CNTN5: variants seen among roughly 807,000 people sequenced by gnomAD.
CNTN5 encodes contactin-5.
Under a neutral mutation model 129.1 loss-of-function variants are expected in CNTN5, and 77 were observed. The observed-to-expected ratio is 0.60, with a 90% confidence interval of 0.50 to 0.72. The LOEUF (loss-of-function observed/expected upper bound fraction) is 0.72. CNTN5 is among the 30% of genes least tolerant of loss of function. CNTN5 has a pLI of 0.00. For missense variants in CNTN5, 1,478 were observed against 1,328.8 expected (o/e 1.11, Z -1.75); for synonymous variants, 509 against 465.6 (o/e 1.09, Z -1.20).
At chr11:99,818,304 G>C (rs1417381261) in intron 3 of CNTN5, among the ~76,000 whole-genome samples, 1 of 150,760 alleles carries the variant, frequency 6.6e-6, no homozygotes, top group Non-Finnish European at 1.5e-5. Context: ...TTGCCAGTCT[G>C]GAGTACAGTG....
intron 1 of CNTN5, among the ~76,000 whole-genome samples, chr11:99,136,457 A>T (rs1859224893): frequency 2.0e-5 from 3 of 152,120 alleles, no homozygotes; most frequent in South Asian, 4.1e-4. Context: ...CAATTCCATT[A>T]ATCACTAAAA....
intron 6 of CNTN5, among the ~76,000 whole-genome samples, chr11:99,846,158 A>ACG (rs1370785442): frequency 6.6e-6 from 1 of 151,430 alleles, no homozygotes; most frequent in Admixed American, 6.6e-5. Flanking sequence ...ACACACACAC[A>ACG]CACGAATATA....
At chr11:99,928,689 T>A (rs143528467) in intron 7 of CNTN5, among the ~76,000 whole-genome samples, 1 of 152,226 alleles carries the variant, frequency 6.6e-6, no homozygotes, top group Admixed American at 6.5e-5. Flanking sequence ...CATTTTCTCA[T>A]CCTAGGCCTG....
At chr11:100,143,893 C>A (rs1340203977) in intron 13 of CNTN5, among the ~76,000 whole-genome samples, 1 of 152,104 alleles carries the variant, frequency 6.6e-6, no homozygotes, top group East Asian at 1.9e-4. Context: ...AAGGCATGAT[C>A]TCAACTTGTA....
chr11:99,919,964 A>G (rs116101423), intron 7 of CNTN5, among the ~76,000 whole-genome samples: 128 of 152,112 alleles, frequency 8.4e-4, no homozygotes, highest in African/African-American at 2.9e-3. Context: ...CAGAAATTTC[A>G]TTTTAATGCA....
At chr11:99,175,004 T>C (rs1275191592) in intron 1 of CNTN5, among the ~76,000 whole-genome samples, 5 of 151,944 alleles carry the variant, frequency 3.3e-5, no homozygotes, top group Non-Finnish European at 5.9e-5. Flanking sequence ...GAAGCTGAAG[T>C]TGAAGATTGC....
intron 3 of CNTN5, among the ~76,000 whole-genome samples, chr11:99,585,130 A>G (rs1223908798): frequency 6.6e-6 from 1 of 152,250 alleles, no homozygotes; most frequent in Admixed American, 6.5e-5. Context: ...CATGGATAAA[A>G]GATCTAATCT....
chr11:99,270,227 T>C (rs539236732), intron 1 of CNTN5, among the ~76,000 whole-genome samples: 7 of 151,912 alleles, frequency 4.6e-5, no homozygotes, highest in Non-Finnish European at 8.8e-5. Context: ...TATTGAGTAA[T>C]ACATGTATTA....
intron 13 of CNTN5, among the ~76,000 whole-genome samples, chr11:100,118,360 A>G (rs749351663): frequency 1.3e-5 from 2 of 151,872 alleles, no homozygotes; most frequent in Non-Finnish European, 2.9e-5. Flanking sequence ...ATATCAAAAA[A>G]AGATGTGAAA....
intron 13 of CNTN5, among the ~76,000 whole-genome samples, chr11:100,128,220 T>G (rs1366500544): frequency 6.6e-6 from 1 of 152,148 alleles, no homozygotes; most frequent in Non-Finnish European, 1.5e-5. Flanking sequence ...ACCTCATTCC[T>G]AAACTTATTC....
chr11:100,201,425 A>G (rs1454489072), intron 15 of CNTN5, among the ~76,000 whole-genome samples: 2 of 151,982 alleles, frequency 1.3e-5, no homozygotes, highest in African/African-American at 4.8e-5. Context: ...TATCAAAACC[A>G]TTCTTTATAA....
chr11:100,141,099 A>T (rs992889659), intron 13 of CNTN5, among the ~76,000 whole-genome samples: 6 of 152,138 alleles, frequency 3.9e-5, no homozygotes, highest in African/African-American at 1.4e-4. Flanking sequence ...CAGTATGGTG[A>T]TGACTGAAGC....
chr11:99,584,703 C>T (rs1221257422), intron 3 of CNTN5, among the ~76,000 whole-genome samples: 1 of 152,206 alleles, frequency 6.6e-6, no homozygotes, highest in African/African-American at 2.4e-5. Flanking sequence ...TTCTGCTTCA[C>T]GCATGCAGAA....
intron 6 of CNTN5, among the ~76,000 whole-genome samples, chr11:99,863,914 A>G (rs984124866): frequency 1.3e-5 from 2 of 152,166 alleles, no homozygotes; most frequent in Non-Finnish European, 2.9e-5. Flanking sequence ...TCAAGGGGGT[A>G]TGAAGGTACA....
chr11:99,694,689 T>C (rs1185465164), intron 3 of CNTN5, among the ~76,000 whole-genome samples: 2 of 152,012 alleles, frequency 1.3e-5, no homozygotes, highest in East Asian at 3.9e-4. Flanking sequence ...CCCCTGGCAG[T>C]CAGCAGTGTG....
intron 3 of CNTN5, among the ~76,000 whole-genome samples, chr11:99,796,751 G>T (rs948447407): frequency 2.0e-5 from 3 of 152,064 alleles, no homozygotes; most frequent in Non-Finnish European, 4.4e-5. Flanking sequence ...ACCCAGCAAG[G>T]CTTGGAGGAT....
At chr11:99,498,734 G>T (rs1946321572) in intron 2 of CNTN5, among the ~76,000 whole-genome samples, 1 of 152,160 alleles carries the variant, frequency 6.6e-6, no homozygotes, top group Admixed American at 6.6e-5. Flanking sequence ...AGGGAAAAAT[G>T]ATGCCTCAGT....
At chr11:99,446,392 A>G (rs1325937965) in intron 2 of CNTN5, among the ~76,000 whole-genome samples, 1 of 152,170 alleles carries the variant, frequency 6.6e-6, no homozygotes, top group Non-Finnish European at 1.5e-5. Context: ...GTTCTTAACT[A>G]TCATTTATAT....
intron 9 of CNTN5, among the ~76,000 whole-genome samples, chr11:100,032,666 C>T (rs1055226003): frequency 1.3e-5 from 2 of 152,050 alleles, no homozygotes; most frequent in Non-Finnish European, 2.9e-5. Flanking sequence ...TTATTTGCCT[C>T]ATAATGTCGT....
Sources: gnomAD v4.1 joint callset for allele counts (sites outside exome capture counted in the v4.1 genomes callset) on GRCh38, gnomAD v4.1.1 for gene constraint, MANE v1.5 for transcripts, NCBI Gene and HGNC (gene_info 2026-07-23, HGNC 2026-07-21) for gene names.